Variants in KLHL32 observed in about 807,000 individuals in gnomAD.
The protein encoded by KLHL32 is kelch-like protein 32.
KLHL32 carries 35 observed loss-of-function variants against 64.8 expected under a neutral mutation model. The ratio of observed to expected loss-of-function variants is 0.54; its 90% confidence interval spans 0.41 to 0.72. The LOEUF is 0.72. KLHL32 is among the 30% of genes least tolerant of loss of function. KLHL32 has a pLI of 0.00. For synonymous variants in KLHL32, 259 were observed against 281.0 expected (o/e 0.92, Z 0.78); for missense variants, 589 against 768.5 (o/e 0.77, Z 2.76).
intron 4 of KLHL32, among the ~76,000 whole-genome samples, chr6:97,046,410 AC>A (rs5878458): frequency 0.25 from 38,583 of 151,796 alleles, 6,267 homozygotes; most frequent in African/African-American, 0.45. Context: ...ATTAAGTTAT[AC>A]TTTGTTATAC....
chr6:96,942,254 G>A (rs1338096737), intron 1 of KLHL32, among the ~76,000 whole-genome samples: 1 of 152,168 alleles, frequency 6.6e-6, no homozygotes, highest in Non-Finnish European at 1.5e-5. Context: ...TGCTGCCCCT[G>A]TACTACTGCT....
At chr6:97,015,575 G>A (rs1181767410) in intron 3 of KLHL32, among the ~76,000 whole-genome samples, 1 of 152,136 alleles carries the variant, frequency 6.6e-6, no homozygotes. Context: ...GAGAGATGAT[G>A]TGAAATTGGA....
chr6:96,898,298 G>A, the KLHL32 span, among the ~76,000 whole-genome samples: 391 of 152,316 alleles, frequency 2.6e-3, 5 homozygotes, highest in South Asian at 0.021. Flanking sequence ...AGAGTTAGCC[G>A]ATAAAAATGG....
chr6:97,078,971 C>G (rs1244098009), intron 5 of KLHL32, among the ~76,000 whole-genome samples: 2 of 152,184 alleles, frequency 1.3e-5, no homozygotes, highest in African/African-American at 4.8e-5. Context: ...AGATGATTCT[C>G]AGCTTGTATC....
At chr6:96,966,610 A>C (rs1774484856) in intron 1 of KLHL32, among the ~76,000 whole-genome samples, 1 of 152,238 alleles carries the variant, frequency 6.6e-6, no homozygotes, top group Non-Finnish European at 1.5e-5. Flanking sequence ...TCATATTTGG[A>C]AGGAAAATAA....
In KLHL32 at chr6:97,018,986, T is replaced by C. The variant is rs149522991; in HGVS notation, c.205-22506T>C. 9.5e-4 allele frequency among the ~76,000 whole-genome samples: 144 copies of C among 152,254 alleles called. 2 individuals are homozygous for C. The highest frequency in any genetic ancestry group is 3.3e-3 in the African/African-American group (137 of 41,552). ...GGATAGTACACATTCTCAGCACACA[T>C]GAAACAATTACAAAAATGATAGTTA... On this transcript the variant is annotated intron_variant, in intron 3 of 10. Transcript: ENST00000369261.
chr6:96,976,060 G>T lies in KLHL32; in HGVS notation c.87G>T (p.Leu29=), dbSNP rs771486549. ...CHSESHNDSV[L]AALNQQRSDG... ...CCGAATCTCACAATGACAGTGTCCT[G>T]GCAGCGCTGAATCAGCAGAGGAGTG... Residue 29 remains leucine, a synonymous_variant, in exon 3 of 11, where the codon CTG becomes CTT. Transcript: ENST00000369261. The T allele has an allele frequency of 3.1e-6, 5 of 1,608,122 alleles. No individual in the cohort carries two copies. The South Asian group carries it at 5.5e-5, about 18-fold the overall frequency.
chr6:96,948,532 G>A (rs1379612483), intron 1 of KLHL32, among the ~76,000 whole-genome samples: 1 of 152,042 alleles, frequency 6.6e-6, no homozygotes, highest in South Asian at 2.1e-4. Context: ...GAAATCATAG[G>A]ATATACTTTG....
chr6:96,901,502 A>G, the KLHL32 span, among the ~76,000 whole-genome samples: 1 of 152,178 alleles, frequency 6.6e-6, no homozygotes, highest in African/African-American at 2.4e-5. Context: ...TGGATAATCC[A>G]GGATAATCTC....
intron 5 of KLHL32, among the ~76,000 whole-genome samples, chr6:97,081,732 A>T (rs1321755412): frequency 6.6e-6 from 1 of 152,168 alleles, no homozygotes; most frequent in Non-Finnish European, 1.5e-5. Context: ...CTTTTACCTC[A>T]GTTATAGTTT....
chr6:96,934,570 AG>A (rs1394493607), intron 1 of KLHL32, among the ~76,000 whole-genome samples: 23 of 152,250 alleles, frequency 1.5e-4, no homozygotes, highest in African/African-American at 5.5e-4. Flanking sequence ...TCTGGGTAGA[AG>A]TCTTGATGTG....
At chr6:97,085,885 T>C (rs923288975) in intron 6 of KLHL32, among the ~76,000 whole-genome samples, 2 of 152,236 alleles carry the variant, frequency 1.3e-5, no homozygotes, top group African/African-American at 4.8e-5. Context: ...GCCCTGCCTT[T>C]TCGCCTGACA....
chr6:96,967,101 T>C lies in KLHL32; in HGVS notation c.23+18T>C, dbSNP rs373043895. On this transcript the variant is annotated intron_variant, in intron 2 of 10. Coordinates refer to ENST00000369261, the MANE Select transcript of KLHL32 (RefSeq NM_052904.4). ...TGCCTCAGGTATGCCCTGTAGGATA[T>C]GTCCTCACATGCCGTAGTGAGCCCT... The C allele has an allele frequency of 5.0e-6, 8 of 1,612,226 alleles. No individual in the cohort carries two copies. The African/African-American group carries it at 8.0e-5, about 16-fold the overall frequency.
intron 3 of KLHL32, among the ~76,000 whole-genome samples, chr6:97,037,854 C>T (rs12524312): frequency 0.057 from 8,611 of 152,148 alleles, 303 homozygotes; most frequent in Middle Eastern, 0.12. Context: ...ATAGGGAACC[C>T]AAATATAAGT....
chr6:97,133,558 T>C (rs1799665548), intron 10 of KLHL32, among the ~76,000 whole-genome samples: 1 of 152,240 alleles, frequency 6.6e-6, no homozygotes, highest in Non-Finnish European at 1.5e-5. Context: ...AACCTTTTTA[T>C]TTCTTTTTCA....
At chr6:97,012,201 C>T (rs1780498138) in intron 3 of KLHL32, among the ~76,000 whole-genome samples, 1 of 152,154 alleles carries the variant, frequency 6.6e-6, no homozygotes, top group South Asian at 2.1e-4. Flanking sequence ...CAAAGATGTC[C>T]ATGCCCTAAT....
At chr6:97,005,265 C>T (rs1396625710) in intron 3 of KLHL32, among the ~76,000 whole-genome samples, 2 of 151,886 alleles carry the variant, frequency 1.3e-5, no homozygotes, top group Non-Finnish European at 2.9e-5. Context: ...GTTTTTGTGC[C>T]TAGAGGTGTT....
intron 2 of KLHL32, among the ~76,000 whole-genome samples, chr6:96,967,808 A>G (rs1398943195): frequency 6.6e-6 from 1 of 152,180 alleles, no homozygotes; most frequent in African/African-American, 2.4e-5. Flanking sequence ...AGAGCAAGAA[A>G]ATGCCTTCCT....
chr6:97,097,547 C>T (rs897341001), intron 6 of KLHL32, among the ~76,000 whole-genome samples: 4 of 152,264 alleles, frequency 2.6e-5, no homozygotes, highest in African/African-American at 9.6e-5. Context: ...CTGGAAATCA[C>T]ATTTTATTTT....
Sources: allele counts gnomAD v4.1 joint callset (sites outside exome capture counted in the v4.1 genomes callset), GRCh38; gene constraint gnomAD v4.1.1; transcripts MANE v1.5; gene names NCBI Gene and HGNC (gene_info 2026-07-23, HGNC 2026-07-21).